Variants in NR0B1 observed in about 807,000 individuals in gnomAD.
NR0B1 encodes the protein DSS-AHC critical region on the X chromosome protein 1.
In NR0B1, 3 loss-of-function variants were observed where a neutral mutation model predicts 23.0. That is an observed-to-expected ratio of 0.13 (90% CI 0.06 to 0.34). The LOEUF (loss-of-function observed/expected upper bound fraction) is 0.34, where lower values mean the gene tolerates loss of function less well. Among genes scored for constraint, NR0B1 ranks in the 10% least tolerant of loss-of-function variants. NR0B1 has a pLI of 1.00. For missense variants in NR0B1, 350 were observed against 402.9 expected (o/e 0.87, Z 1.12); for synonymous variants, 205 against 184.0 (o/e 1.11, Z -0.92).
Position 30,309,313 on chromosome X carries a change from A to G in NR0B1, c.51T>C (p.Leu17=), listed in dbSNP as rs1181831166. The G allele has an allele frequency of 4.2e-6, 5 of 1,196,980 alleles. No homozygotes were observed. The African/African-American group carries it at 9.0e-5, about 21-fold the overall frequency. Residue 17 remains leucine (L), a synonymous_variant, in exon 1 of 2, where the codon CTT becomes CTC. Coordinates refer to ENST00000378970, the MANE Select transcript of NR0B1 (RefSeq NM_000475.5). ...QWQGSILYNM[L]MSAKQTRAAP... ...CCGCGCGCGTTTGCTTCGCGCTCAT[A>G]AGCATGTTGTAGAGGATGCTGCCCT...
intron 1 of NR0B1, 130 bp downstream of exon 1, chrX:30,308,066 C>G (rs1050614248): frequency 1.3e-5 from 7 of 555,053 alleles, no homozygotes; most frequent in Non-Finnish European, 1.9e-5. Flanking sequence ...GAGTTAGTCA[C>G]GATTTCTTCA....
intron 1 of NR0B1, among the ~76,000 whole-genome samples, chrX:30,306,577 ATGTGTGTGTGTGTGTG>A (rs58777171): frequency 1.1e-5 from 1 of 92,334 alleles, no homozygotes; most frequent in South Asian, 6.2e-4. Context: ...ATAAGGAAGA[ATGTGTGTGTGTGTGTG>A]TGTGTGTGTG....
intron 1 of NR0B1, among the ~76,000 whole-genome samples, chrX:30,306,431 G>A (rs1383234476): frequency 9.0e-6 from 1 of 111,292 alleles, no homozygotes; most frequent in Non-Finnish European, 1.9e-5. Context: ...ACATACAAAG[G>A]ATAAACAGCA....
At position 30,304,643 on chromosome X, in the gene NR0B1, C is replaced by T. The variant is rs897325802; in HGVS notation, c.1349G>A (p.Arg450Lys). 1 of 1,207,873 alleles carries T rather than the reference C, an allele frequency of 8.3e-7. No homozygotes were observed. The highest frequency in any genetic ancestry group is 1.8e-5 in the African/African-American group (1 of 56,834). The change falls in exon 2 of 2, where the codon AGG becomes AAG. Residue 450 changes from arginine to lysine, a missense_variant. Around this residue, in one of 2 missense-constraint regions of NR0B1, gnomAD observed 52 missense variants for 88.9 expected, o/e 0.58. Coordinates refer to ENST00000378970, the MANE Select transcript of NR0B1 (RefSeq NM_000475.5). ...NANVIAELFFRPIIGTVSMDD... is the reference protein window; with the variant it reads ...NANVIAELFFKPIIGTVSMDD... ...CATGCTGACTGTGCCGATGATGGGC[C>T]TGAAGAACAGTTCAGCAATGACATT...
chrX:30,308,770 G>T lies in NR0B1; in HGVS notation c.594C>A (p.Arg198=), dbSNP rs777857520. The T allele has an allele frequency of 2.8e-5, 33 of 1,195,136 alleles. No homozygotes were observed. The highest frequency in any genetic ancestry group is 7.9e-6 in the Non-Finnish European group (7 of 887,896). Residue 198 remains arginine (R), a synonymous_variant, in exon 1 of 2, where the codon CGC becomes CGA. Coordinates refer to ENST00000378970, the MANE Select transcript of NR0B1 (RefSeq NM_000475.5). ...PGGRATALLY[R]CCFCGEDHPQ... Reference sequence around the variant, plus strand: ...GGTGGTCTTCACCGCAAAAGCAGCAGCGGTACAGAAGCGCCGTGGCCCGCC... The same window carrying T: ...GGTGGTCTTCACCGCAAAAGCAGCATCGGTACAGAAGCGCCGTGGCCCGCC...
chrX:30,306,577 A>ATGTGTGTGTGTGTGTGTGTGTGTGTG (rs58777171), intron 1 of NR0B1, among the ~76,000 whole-genome samples: 3 of 92,335 alleles, frequency 3.2e-5, no homozygotes, highest in Non-Finnish European at 6.5e-5. Context: ...ATAAGGAAGA[A>ATGTGTGTGTGTGTGTGTGTGTGTGTG]TGTGTGTGTG....
chrX:30,308,238 T>C lies in NR0B1; in HGVS notation c.1126A>G (p.Lys376Glu). 8.3e-7 allele frequency: 1 copy of C among 1,211,406 alleles called. No individual in the cohort carries two copies. Among genetic ancestry groups the C allele is most frequent in the East Asian group, 3.0e-5 (1 of 33,843 alleles). ...SKCWSLNIST[K>E]EYAYLKGTVL... is the part of the protein sequence containing the mutation. Reference sequence around the variant, plus strand: ...GTCCCCTTGAGGTAGGCGTACTCCTTGGTACTGATGTTCAGACTCCAGCAT... The same window carrying C: ...GTCCCCTTGAGGTAGGCGTACTCCTCGGTACTGATGTTCAGACTCCAGCAT... The change falls in exon 1 of 2, where the codon AAG (lysine) becomes GAG (glutamate). Residue 376 changes from lysine (K) to glutamate (E), a missense_variant. Physicochemically the swap from Lys to Glu is moderately conservative, Grantham distance 56. This residue lies in a region of NR0B1 where 52 missense variants were observed against 88.9 expected (regional missense o/e 0.58). Coordinates refer to ENST00000378970, the MANE Select transcript of NR0B1 (RefSeq NM_000475.5).
rs1476797156 is a variant in NR0B1 at position 30,309,295 on chromosome X, C to T, written c.69G>A (p.Thr23=). 1.7e-6 allele frequency: 2 copies of T among 1,206,532 alleles called. No homozygotes were observed. Among genetic ancestry groups the T allele is most frequent in the Admixed American group, 2.2e-5 (1 of 45,933 alleles). Residue 23 remains threonine (T), a synonymous_variant, in exon 1 of 2, where the codon ACG becomes ACA. Transcript: ENST00000378970. ...LYNMLMSAKQ[T]RAAPEAPETR... is the part of the protein sequence containing the mutation. ...TCTCTGGAGCCTCAGGAGCCGCGCG[C>T]GTTTGCTTCGCGCTCATAAGCATGT...
Position 30,304,209 on chromosome X carries a change from C to G in NR0B1, c.*370G>C, listed in dbSNP as rs1206219718. On this transcript the variant is annotated 3_prime_UTR_variant, in exon 2 of 2. Transcript: ENST00000378970. ...AGGCCTTACTTAAACCCTGCTGAAG[C>G]TTTTTTCAATCAAGTTAATAGTTAA... is the stretch of plus-strand genomic sequence containing the variant. 2 of 143,565 alleles carry G rather than the reference C, an allele frequency of 1.4e-5. No individual in the cohort carries two copies. Among genetic ancestry groups the G allele is most frequent in the African/African-American group, 3.2e-5 (1 of 31,252 alleles). 11.8% of individuals were successfully genotyped at this position (143,565 alleles called of 1,213,427 possible). A position where few individuals can be genotyped will look rare whatever the true frequency, so the allele number is the denominator to read the frequency against.
intron 1 of NR0B1, among the ~76,000 whole-genome samples, chrX:30,305,435 G>A (rs965925406): frequency 3.6e-5 from 4 of 111,741 alleles, no homozygotes; most frequent in Non-Finnish European, 7.5e-5. Context: ...CTGTATTGGG[G>A]AAGATTTTGA....
chrX:30,307,860 T>C (rs1225746827), intron 1 of NR0B1, among the ~76,000 whole-genome samples: 1 of 112,393 alleles, frequency 8.9e-6, no homozygotes, highest in Non-Finnish European at 1.9e-5. Context: ...TAGAAAAAGA[T>C]ATGCTCTGGA....
In NR0B1 at chrX:30,309,020, A is replaced by G. The variant is rs200436490; in HGVS notation, c.344T>C (p.Val115Ala). The change falls in exon 1 of 2, where the codon GTG becomes GCG. Residue 115 changes from valine (V) to alanine (A), a missense_variant. Physicochemically the swap from Val to Ala is moderately conservative, Grantham distance 64 (BLOSUM62 0). Transcript: ENST00000378970. ...WGCSCGSDPG[V>A]GRAGLPGGRP... ...CCCACCCGGAAGCCCCGCTCTGCCC[A>G]CCCCGGGATCAGAGCCGCACGAACA... 111 of 1,205,957 alleles carry G rather than the reference A, an allele frequency of 9.2e-5. No individual in the cohort carries two copies. The highest frequency in any genetic ancestry group is 1.5e-5 in the Non-Finnish European group (13 of 894,422).
rs906109706 is a variant in NR0B1 at position 30,308,989 on chromosome X, G to T, written c.375C>A (p.Pro125=). 1.7e-6 allele frequency: 2 copies of T among 1,210,092 alleles called. No homozygotes were observed. Among genetic ancestry groups the T allele is most frequent in the Non-Finnish European group, 1.1e-6 (1 of 895,079 alleles). The change falls in exon 1 of 2, where the codon CCC becomes CCA. Residue 125 remains proline, a synonymous_variant. Transcript: ENST00000378970. ...AGCAGCAGCGGTACAGGAGTGCCAC[G>T]GGCCGCCCACCCGGAAGCCCCGCTC... is the stretch of plus-strand genomic sequence containing the variant. The part of the protein sequence containing the change: ...VGRAGLPGGR[P]VALLYRCCFC...
intron 1 of NR0B1, among the ~76,000 whole-genome samples, chrX:30,307,863 G>T (rs1926551705): frequency 8.9e-6 from 1 of 112,196 alleles, no homozygotes; most frequent in African/African-American, 3.2e-5. Context: ...AAAAAGATAT[G>T]CTCTGGACTT....
In NR0B1 at chrX:30,308,431, G is replaced by T. The variant is rs759213268; in HGVS notation, c.933C>A (p.Val311=). 5.8e-6 allele frequency: 7 copies of T among 1,201,793 alleles called. No homozygotes were observed. The highest frequency in any genetic ancestry group is 7.9e-6 in the Non-Finnish European group (7 of 890,228). ...QDRLQFETVE[V]SEPSMLQKIL... ...TCTTCTGCAGCATGCTGGGCTCCGAGACTTCCACAGTCTCGAACTGCAAGC... is the reference window on the plus strand; with the variant it reads ...TCTTCTGCAGCATGCTGGGCTCCGATACTTCCACAGTCTCGAACTGCAAGC... The change falls in exon 1 of 2, where the codon GTC becomes GTA. Residue 311 remains valine (V), a synonymous_variant. Coordinates refer to ENST00000378970, the MANE Select transcript of NR0B1 (RefSeq NM_000475.5).
chrX:30,304,965 T>C, intron 1 of NR0B1, 142 bp from the exon 2 acceptor site: 1 of 657,206 alleles, frequency 1.5e-6, no homozygotes. Flanking sequence ...GCCAAACCAG[T>C]CTACGTTTTC....
chrX:30,308,769 A>G lies in NR0B1; in HGVS notation c.595T>C (p.Cys199Arg). 2 of 1,196,257 alleles carry G rather than the reference A, an allele frequency of 1.7e-6. No individual in the cohort carries two copies. Among genetic ancestry groups the G allele is most frequent in the Middle Eastern group, 2.4e-4 (1 of 4,254 alleles). Residue 199 changes from cysteine (C) to arginine (R), a missense_variant, in exon 1 of 2, where the codon TGC (cysteine) becomes CGC (arginine). By Grantham distance (180) the Cys-to-Arg change is radical (BLOSUM62 -3). Around this residue, in one of 2 missense-constraint regions of NR0B1, gnomAD observed 298 missense variants for 314.0 expected, o/e 0.95. Coordinates refer to ENST00000378970, the MANE Select transcript of NR0B1 (RefSeq NM_000475.5). ...GGRATALLYR[C>R]CFCGEDHPQQ... ...GGGTGGTCTTCACCGCAAAAGCAGCAGCGGTACAGAAGCGCCGTGGCCCGC... is the reference window on the plus strand; with the variant it reads ...GGGTGGTCTTCACCGCAAAAGCAGCGGCGGTACAGAAGCGCCGTGGCCCGC...
intron 1 of NR0B1, among the ~76,000 whole-genome samples, chrX:30,306,928 T>C (rs372919591): frequency 2.7e-5 from 3 of 111,298 alleles, no homozygotes; most frequent in East Asian, 5.6e-4. Context: ...CACAAGTACT[T>C]CTTATGCACA....
rs777632522 is a variant in NR0B1, at chrX:30,308,379, C to T, written c.985G>A (p.Gly329Arg). The T allele has an allele frequency of 6.6e-6, 8 of 1,209,355 alleles. No individual in the cohort carries two copies. Among genetic ancestry groups the T allele is most frequent in the East Asian group, 5.9e-5 (2 of 33,718 alleles). The change falls in exon 1 of 2, where the codon GGG becomes AGG. Residue 329 changes from glycine to arginine, a missense_variant. Around this residue, in one of 2 missense-constraint regions of NR0B1, gnomAD observed 298 missense variants for 314.0 expected, o/e 0.95. Transcript: ENST00000378970. Reference protein sequence around the residue: ...KILTTRRRETGGNEPLPVPTL... With the variant: ...KILTTRRRETRGNEPLPVPTL... Reference sequence around the variant, plus strand: ...GGCACGGGCAGTGGCTCGTTGCCCCCGGTCTCCCGCCGCCTGGTGGTGAGG... The same window carrying T: ...GGCACGGGCAGTGGCTCGTTGCCCCTGGTCTCCCGCCGCCTGGTGGTGAGG...
Sources: allele counts gnomAD v4.1 joint callset (sites outside exome capture counted in the v4.1 genomes callset), GRCh38; gene constraint gnomAD v4.1.1; regional missense constraint gnomAD v4.1.1; transcripts MANE v1.5; gene names NCBI Gene and HGNC (gene_info 2026-07-23, HGNC 2026-07-21).